METTL21C: variants seen among roughly 807,000 people sequenced by gnomAD.
METTL21C encodes protein-lysine methyltransferase METTL21C.
Under a neutral mutation model 25.9 loss-of-function variants are expected in METTL21C, and 21 were observed. The observed-to-expected ratio is 0.81, with a 90% confidence interval of 0.58 to 1.17. The LOEUF is 1.17. METTL21C is among the 50% of genes most tolerant of loss of function. The pLI is 0.00. For missense variants in METTL21C, 312 were observed against 315.1 expected (o/e 0.99, Z 0.07); for synonymous variants, 125 against 124.7 (o/e 1.00, Z -0.01).
At chr13:102,702,337 T>G in the METTL21C span, among the ~76,000 whole-genome samples, 4 of 152,040 alleles carry the variant, frequency 2.6e-5, no homozygotes, top group African/African-American at 9.7e-5. Context: ...GGAGGAAAAT[T>G]ACAAAGACAG....
upstream of METTL21C, among the ~76,000 whole-genome samples, chr13:102,695,466 A>G (rs1885932673): frequency 6.6e-6 from 1 of 152,234 alleles, no homozygotes; most frequent in Non-Finnish European, 1.5e-5. Context: ...CACACAAAGT[A>G]AAGCCTCAGA....
At chr13:102,700,256 C>A in the METTL21C span, among the ~76,000 whole-genome samples, 1 of 152,210 alleles carries the variant, frequency 6.6e-6, no homozygotes, top group Non-Finnish European at 1.5e-5. Context: ...GATGGCCTGG[C>A]TGTCCATAAA....
intron 1 of METTL21C, among the ~76,000 whole-genome samples, chr13:102,692,200 G>A (rs1885848797): frequency 6.6e-6 from 1 of 152,164 alleles, no homozygotes; most frequent in Admixed American, 6.5e-5. Context: ...ATCTGAAATA[G>A]CCTCTCAAGG....
At chr13:102,702,044 G>T in the METTL21C span, among the ~76,000 whole-genome samples, 1 of 151,880 alleles carries the variant, frequency 6.6e-6, no homozygotes, top group African/African-American at 2.4e-5. Flanking sequence ...GGTGCCTGTA[G>T]TCCCAGCTCC....
In METTL21C at chr13:102,686,927, T is replaced by TAAAC; in HGVS notation, c.400+9_400+12dup. The TAAAC allele has an allele frequency of 6.3e-7, 1 of 1,596,076 alleles. No individual in the cohort carries two copies. The highest frequency in any genetic ancestry group is 8.6e-7 in the Non-Finnish European group (1 of 1,163,618). On this transcript the variant is annotated intron_variant, in intron 3 of 3. Coordinates refer to ENST00000267273, the MANE Select transcript of METTL21C (RefSeq NM_001010977.3). ...AAAGATCTGGATACTAGGTCAGGAA[T>TAAAC]AAACAAACAAACCTAAAATACTGGC...
chr13:102,697,493 G>A (rs1885965649), upstream of METTL21C, among the ~76,000 whole-genome samples: 2 of 152,130 alleles, frequency 1.3e-5, no homozygotes, highest in South Asian at 4.2e-4. Context: ...CCAGGCAAAG[G>A]ATCAGCATTG....
At chr13:102,689,340 A>G (rs1351507088) in intron 2 of METTL21C, among the ~76,000 whole-genome samples, 1 of 152,216 alleles carries the variant, frequency 6.6e-6, no homozygotes, top group African/African-American at 2.4e-5. Context: ...CTCGTTTTTA[A>G]GGCAAAGAAA....
In METTL21C at chr13:102,694,678, C is replaced by T. The variant is rs904060389; in HGVS notation, c.-180G>A. Among the ~76,000 whole-genome samples the T allele has an allele frequency of 6.6e-6, 1 of 151,418 alleles. No homozygotes were observed. The highest frequency in any genetic ancestry group is 2.4e-5 in the African/African-American group (1 of 41,164). On this transcript the variant is annotated 5_prime_UTR_variant, in exon 1 of 4. It adds an upstream start codon to the 5' untranslated region. Transcript: ENST00000267273. ...CCCAAAATAATTTTGAATTGTTACA[C>T]GTATCTTTACCTTATGCAGCAGAAG...
At chr13:102,703,238 C>A in the METTL21C span, among the ~76,000 whole-genome samples, 1 of 152,306 alleles carries the variant, frequency 6.6e-6, no homozygotes, top group East Asian at 1.9e-4. Flanking sequence ...CCTTTCCCCT[C>A]CCTGCTCTCT....
chr13:102,696,084 A>G (rs1226724178), upstream of METTL21C, among the ~76,000 whole-genome samples: 1 of 152,104 alleles, frequency 6.6e-6, no homozygotes, highest in South Asian at 2.1e-4. Context: ...ATCAACTTCT[A>G]GGCTTATTTT....
chr13:102,693,107 G>T (rs74937943), intron 1 of METTL21C, among the ~76,000 whole-genome samples: 1,888 of 152,272 alleles, frequency 0.012, 43 homozygotes, highest in African/African-American at 0.043. Flanking sequence ...CTTCGCTGGG[G>T]AAAGACGTGC....
chr13:102,694,247 T>C, intron 1 of METTL21C, 122 bp downstream of exon 1: 2 of 1,159,940 alleles, frequency 1.7e-6, no homozygotes, highest in Non-Finnish European at 2.5e-6. Context: ...CTAAGCTTCA[T>C]TATAGCAAAA....
intron 1 of METTL21C, among the ~76,000 whole-genome samples, chr13:102,691,312 T>A (rs1378284345): frequency 6.6e-6 from 1 of 151,782 alleles, no homozygotes; most frequent in Non-Finnish European, 1.5e-5. Context: ...GAATGAGCTG[T>A]CTGGATACAG....
rs1452261066 is a variant in METTL21C, at chr13:102,694,961, C to A, written c.-463G>T. 6.6e-6 allele frequency among the ~76,000 whole-genome samples: 1 copy of A among 151,372 alleles called. No homozygotes were observed. The highest frequency in any genetic ancestry group is 1.5e-5 in the Non-Finnish European group (1 of 67,912). On this transcript the variant is annotated 5_prime_UTR_variant, in exon 1 of 4. It adds an upstream start codon to the 5' untranslated region. Coordinates refer to ENST00000267273, the MANE Select transcript of METTL21C (RefSeq NM_001010977.3). ...TCCTAGCAACATTCAATGGAATTCC[C>A]TTCAAAAGTTTCAGGAATATCACTG...
At position 102,694,430 on chromosome 13, in the gene METTL21C, G is replaced by A. The variant is rs753136678; in HGVS notation, c.69C>T (p.Gly23=). The A allele has an allele frequency of 1.2e-6, 2 of 1,608,862 alleles. No individual in the cohort carries two copies. The highest frequency in any genetic ancestry group is 1.7e-6 in the Non-Finnish European group (2 of 1,177,848). ...CCCCCTTCTTCTCAGCCTCTAACCA[G>A]CCACCCGGGGAGCTGAGTCCTTCCC... ...RRGEGLSSPG[G]WLEAEKKGAP... The change falls in exon 1 of 4, where the codon GGC becomes GGT. Residue 23 remains glycine (G), a synonymous_variant. Coordinates refer to ENST00000267273, the MANE Select transcript of METTL21C (RefSeq NM_001010977.3).
In METTL21C at chr13:102,686,243, C is replaced by T. The variant is rs756337846; in HGVS notation, c.583G>A (p.Val195Met). Residue 195 changes from valine to methionine, a missense_variant, in exon 4 of 4, where the codon GTG (valine) becomes ATG (methionine). Val to Met is a conservative substitution (Grantham distance 21). Coordinates refer to ENST00000267273, the MANE Select transcript of METTL21C (RefSeq NM_001010977.3). ...FYYDYVLASDVVYHHYFLDKL... is the reference protein window; with the variant it reads ...FYYDYVLASDMVYHHYFLDKL... ...TCCAGGAAGTAGTGATGGTAGACCA[C>T]ATCTGAGGCTAGGACGTAATCATAG... 29 of 1,614,098 alleles carry T rather than the reference C, an allele frequency of 1.8e-5. 1 individual carries two copies. Among genetic ancestry groups the T allele is most frequent in the South Asian group, 1.5e-4 (14 of 91,092 alleles).
upstream of METTL21C, among the ~76,000 whole-genome samples, chr13:102,695,241 G>T (rs612938): frequency 0.13 from 20,180 of 152,130 alleles, 1,323 homozygotes; most frequent in Middle Eastern, 0.2. Context: ...GAGGAAGAAA[G>T]GAGAGCATCT....
chr13:102,692,020 G>T (rs1352659315), intron 1 of METTL21C, among the ~76,000 whole-genome samples: 5 of 152,132 alleles, frequency 3.3e-5, no homozygotes, highest in Non-Finnish European at 7.3e-5. Context: ...GTCCCAGCGG[G>T]TGGGAAAGAA....
chr13:102,702,157 C>G, the METTL21C span, among the ~76,000 whole-genome samples: 2,410 of 149,660 alleles, frequency 0.016, 39 homozygotes, highest in South Asian at 0.055. Context: ...GAGCAAGACT[C>G]TGCCTCAAAA....
Sources: allele counts gnomAD v4.1 joint callset (sites outside exome capture counted in the v4.1 genomes callset), GRCh38; gene constraint gnomAD v4.1.1; transcripts MANE v1.5; gene names NCBI Gene and HGNC (gene_info 2026-07-23, HGNC 2026-07-21).